CHD6: variants seen among roughly 807,000 people sequenced by gnomAD.
CHD6 encodes the protein chromodomain helicase DNA binding protein 6.
In CHD6, 50 loss-of-function variants were observed where a neutral mutation model predicts 276.9. The observed-to-expected ratio is 0.18, with a 90% confidence interval of 0.14 to 0.23. CHD6 has a LOEUF of 0.23. Among genes scored for constraint, CHD6 ranks in the 10% least tolerant of loss-of-function variants. The pLI, the probability that CHD6 is intolerant of heterozygous loss-of-function variation, is 1.00. For synonymous variants in CHD6, 1,173 were observed against 1,229.3 expected (o/e 0.95, Z 0.96); for missense variants, 2,564 against 3,365.8 (o/e 0.76, Z 5.89).
Position 41,450,931 on chromosome 20 carries a change from A to T in CHD6, c.3683+15T>A, listed in dbSNP as rs754400214. On this transcript the variant is annotated intron_variant, in intron 23 of 36. Transcript: ENST00000373233. ...GCCGGGCTGCCACCAGGGTATGGGG[A>T]GGAGGGACACTCACTTGTTGCAGTG... The T allele has an allele frequency of 1.9e-6, 3 of 1,604,362 alleles. No homozygotes were observed. Among genetic ancestry groups the T allele is most frequent in the Admixed American group, 3.4e-5 (2 of 59,628 alleles).
At chr20:41,532,949 G>A (rs2044724636) in intron 3 of CHD6, 101 bp downstream of exon 3, 5 of 1,318,506 alleles carry the variant, frequency 3.8e-6, no homozygotes, top group Non-Finnish European at 5.1e-6. Context: ...AGGCCCACAG[G>A]AGTGCAGCAG....
intron 27 of CHD6, among the ~76,000 whole-genome samples, chr20:41,433,682 T>TA (rs894881182): frequency 1.3e-5 from 2 of 151,806 alleles, no homozygotes; most frequent in East Asian, 1.9e-4. Context: ...AAGAACACAG[T>TA]AAAAAAAATA....
chr20:41,480,483 G>A (rs993129683), intron 16 of CHD6, among the ~76,000 whole-genome samples: 9 of 152,214 alleles, frequency 5.9e-5, no homozygotes, highest in Non-Finnish European at 1.2e-4. Flanking sequence ...TAACTCAGCT[G>A]TAATTTCACA....
chr20:41,550,372 G>GT (rs1297021422), intron 2 of CHD6, among the ~76,000 whole-genome samples: 1 of 152,184 alleles, frequency 6.6e-6, no homozygotes, highest in Non-Finnish European at 1.5e-5. Context: ...TTTGTAGGCA[G>GT]TATTTAGTCA....
chr20:41,586,507 A>G (rs373667341), intron 1 of CHD6, among the ~76,000 whole-genome samples: 14 of 152,204 alleles, frequency 9.2e-5, no homozygotes, highest in Non-Finnish European at 1.3e-4. Flanking sequence ...CCAAGGTTCC[A>G]TTCCTTAGAA....
In CHD6 at chr20:41,416,604, G is replaced by A. The variant is rs552643669; in HGVS notation, c.6470C>T (p.Ala2157Val). 1.2e-5 allele frequency: 20 copies of A among 1,611,826 alleles called. No homozygotes were observed. Among genetic ancestry groups the A allele is most frequent in the South Asian group, 5.5e-5 (5 of 90,846 alleles). Reference protein sequence around the residue: ...EHSFSNGAALAAQIHKESFLA... With the variant: ...EHSFSNGAALVAQIHKESFLA... ...CCGGCTCACCTTGTGGATCTGGGCC[G>A]CCAATGCTGCGCCGTTGCTGAAGCT... is the stretch of plus-strand genomic sequence containing the variant. The change falls in exon 33 of 37, where the codon GCG becomes GTG. Residue 2157 changes from alanine to valine, a missense_variant. By Grantham distance (64) the Ala-to-Val change is moderately conservative. Transcript: ENST00000373233.
intron 17 of CHD6, among the ~76,000 whole-genome samples, chr20:41,457,935 G>A (rs918883287): frequency 5.3e-5 from 8 of 152,060 alleles, no homozygotes; most frequent in African/African-American, 1.5e-4. Flanking sequence ...TAAATCCTAA[G>A]CATCATACTG....
intron 1 of CHD6, among the ~76,000 whole-genome samples, chr20:41,613,879 T>G (rs1344863036): frequency 2.6e-5 from 4 of 151,974 alleles, no homozygotes. Context: ...AGCCAAAGAC[T>G]CCCTAGGGGT....
chr20:41,514,709 T>G (rs977207264), intron 4 of CHD6, 96 bp downstream of exon 4: 79 of 1,384,886 alleles, frequency 5.7e-5, no homozygotes, highest in Admixed American at 1.6e-4. Context: ...CTAGGGAGTG[T>G]GCTAGAGAAA....
intron 17 of CHD6, among the ~76,000 whole-genome samples, chr20:41,464,895 A>G (rs1315792576): frequency 3.3e-5 from 5 of 152,236 alleles, no homozygotes; most frequent in Non-Finnish European, 7.3e-5. Context: ...AAAAAAACAC[A>G]GAAGCCAATG....
chr20:41,519,084 C>A (rs555498829), intron 3 of CHD6, among the ~76,000 whole-genome samples: 9 of 152,244 alleles, frequency 5.9e-5, no homozygotes, highest in African/African-American at 2.2e-4. Context: ...GAGTTCAAGA[C>A]CAGCCTGGGC....
At chr20:41,610,854 G>A (rs1456113814) in intron 1 of CHD6, among the ~76,000 whole-genome samples, 1 of 152,128 alleles carries the variant, frequency 6.6e-6, no homozygotes, top group Non-Finnish European at 1.5e-5. Context: ...TCCATTACTG[G>A]TCTAAAGTAA....
intron 2 of CHD6, among the ~76,000 whole-genome samples, chr20:41,548,852 C>CA (rs2045095743): frequency 6.6e-6 from 1 of 151,988 alleles, no homozygotes; most frequent in Non-Finnish European, 1.5e-5. Context: ...AGACACTTCT[C>CA]AAAAGAAGAC....
At chr20:41,487,237 C>T (rs2043437871) in intron 14 of CHD6, among the ~76,000 whole-genome samples, 1 of 152,178 alleles carries the variant, frequency 6.6e-6, no homozygotes, top group Non-Finnish European at 1.5e-5. Context: ...CTTTTCCTCA[C>T]TACCTGTGTA....
At chr20:41,589,056 G>C (rs946054244) in intron 1 of CHD6, among the ~76,000 whole-genome samples, 2 of 152,156 alleles carry the variant, frequency 1.3e-5, no homozygotes, top group African/African-American at 4.8e-5. Context: ...TGCAAGGCTG[G>C]TTCAACATAC....
chr20:41,614,919 GGT>G (rs1368584679), intron 1 of CHD6: 4 of 152,296 alleles, frequency 2.6e-5, no homozygotes, highest in African/African-American at 4.8e-5. Flanking sequence ...TGGGGAAAAG[GGT>G]GTCCTCACTG....
At chr20:41,418,075 C>T (rs1421869724) in intron 31 of CHD6, among the ~76,000 whole-genome samples, 2 of 152,222 alleles carry the variant, frequency 1.3e-5, no homozygotes, top group Non-Finnish European at 2.9e-5. Context: ...TGAAATGTGG[C>T]TATTTCACTT....
Position 41,453,046 on chromosome 20 carries a change from G to A in CHD6, c.3121-104C>T, listed in dbSNP as rs111823480. ...CACATTTGGGATAGAACCATGCCCC[G>A]TCTCATCCTCCAGCACGAAGGGCTA... On this transcript the variant is annotated intron_variant, in intron 20 of 36. Coordinates refer to ENST00000373233, the MANE Select transcript of CHD6 (RefSeq NM_032221.5). 51 of 858,414 alleles carry A rather than the reference G, an allele frequency of 5.9e-5. 3 individuals carry two copies. Among genetic ancestry groups the A allele is most frequent in the African/African-American group, 4.2e-4 (25 of 59,686 alleles). The allele number at this position is 858,414 out of a possible 1,614,324, so 53.2% of individuals were successfully genotyped here. A position where few individuals can be genotyped will look rare whatever the true frequency, so the allele number is the denominator to read the frequency against.
Position 41,425,376 on chromosome 20 carries a change from G to C in CHD6, c.4148C>G (p.Pro1383Arg). The stretch of plus-strand genomic sequence containing the variant: ...GGAAACTGGCCAGGGCGATTTGTCT[G>C]GGTCGGAGCCATCCTGGGCTTCAAA... Reference protein sequence around the residue: ...DSRAAQDGSDPDKSPWPVSSA... With the variant: ...DSRAAQDGSDRDKSPWPVSSA... The change falls in exon 29 of 37, where the codon CCA becomes CGA. Residue 1383 changes from proline (P) to arginine (R), a missense_variant. Pro to Arg is a moderately radical substitution (Grantham distance 103, BLOSUM62 -2). Coordinates refer to ENST00000373233, the MANE Select transcript of CHD6 (RefSeq NM_032221.5). The C allele has an allele frequency of 6.2e-7, 1 of 1,613,950 alleles. No individual in the cohort carries two copies. The highest frequency in any genetic ancestry group is 8.5e-7 in the Non-Finnish European group (1 of 1,180,002).
Sources: gnomAD v4.1 joint callset for allele counts (sites outside exome capture counted in the v4.1 genomes callset) on GRCh38, gnomAD v4.1.1 for gene constraint, MANE v1.5 for transcripts, NCBI Gene and HGNC (gene_info 2026-07-23, HGNC 2026-07-21) for gene names.